The following TBC1D23 variants were observed in gnomAD, a reference collection of about 807,000 sequenced individuals.
TBC1D23 encodes the protein HCV non-structural protein 4A-transactivated protein 1.
Under a neutral mutation model 91.4 loss-of-function variants are expected in TBC1D23, and 55 were observed. The observed-to-expected ratio is 0.60, with a 90% confidence interval of 0.48 to 0.75. The LOEUF (loss-of-function observed/expected upper bound fraction) is 0.75. Ranked by LOEUF, TBC1D23 falls within the 30% of genes least tolerant of loss-of-function variation. TBC1D23 has a pLI of 0.00. For missense variants in TBC1D23, 725 were observed against 836.1 expected (o/e 0.87, Z 1.64); for synonymous variants, 289 against 281.0 (o/e 1.03, Z -0.28).
intron 13 of TBC1D23, among the ~76,000 whole-genome samples, chr3:100,308,428 T>C (rs1576181671): frequency 6.7e-6 from 1 of 148,800 alleles, no homozygotes; most frequent in African/African-American, 2.5e-5. Flanking sequence ...TGAGCCCACA[T>C]CCCGCCACTG....
At chr3:100,312,846 A>G (rs535063049) in intron 15 of TBC1D23, among the ~76,000 whole-genome samples, 1 of 151,980 alleles carries the variant, frequency 6.6e-6, no homozygotes, top group Non-Finnish European at 1.5e-5. Context: ...TAAGAATAAT[A>G]CTTCACTCTC....
chr3:100,283,450 T>C (rs1351704919), intron 3 of TBC1D23, among the ~76,000 whole-genome samples, 157 bp from the exon 4 acceptor site: 5 of 152,214 alleles, frequency 3.3e-5, no homozygotes. Context: ...CAATGATTGT[T>C]AAAATAAGTA....
chr3:100,320,945 A>G lies in TBC1D23; in HGVS notation c.1992A>G (p.Ser664=). ...TCAAGTATGGAAATAGCAGTGCTTC[A>G]GGAATAGAAATCTTGGCAATCGAAA... The part of the protein sequence containing the change: ...ITFKYGNSSA[S]GIEILAIERY... The change falls in exon 18 of 19, where the codon TCA becomes TCG. Residue 664 remains serine, a synonymous_variant. Transcript: ENST00000394144. 1 of 1,597,996 alleles carries G rather than the reference A, an allele frequency of 6.3e-7. No individual in the cohort carries two copies. Among genetic ancestry groups the G allele is most frequent in the Non-Finnish European group, 8.5e-7 (1 of 1,175,358 alleles).
chr3:100,319,041 C>T (rs750170116), intron 16 of TBC1D23, 28 bp from the exon 17 acceptor site: 10 of 1,402,080 alleles, frequency 7.1e-6, no homozygotes, highest in Non-Finnish European at 9.8e-6. Context: ...TGGTAATATC[C>T]ATATTTAATA....
intron 13 of TBC1D23, among the ~76,000 whole-genome samples, chr3:100,309,590 T>G (rs1001501326): frequency 6.6e-6 from 1 of 150,764 alleles, no homozygotes; most frequent in Non-Finnish European, 1.5e-5. Context: ...AAGTATATCC[T>G]AAATTTTTTA....
chr3:100,299,196 C>T, intron 9 of TBC1D23, 43 bp from the exon 10 acceptor site: 1 of 1,325,116 alleles, frequency 7.5e-7, no homozygotes, highest in South Asian at 1.2e-5. Context: ...CAATGTGAAC[C>T]TCATGGGAAA....
chr3:100,320,822 T>A lies in TBC1D23; in HGVS notation c.1869T>A (p.Ile623=). ...CACATATGTACTGTTTAAGGGAGAT[T>A]GTTTCACGGAAAGGATTGGCTTATA... ...TATHMYCLRE[I]VSRKGLAYIQ... The change falls in exon 18 of 19, where the codon ATT becomes ATA. Residue 623 remains isoleucine, a synonymous_variant. Coordinates refer to ENST00000394144, the MANE Select transcript of TBC1D23 (RefSeq NM_001199198.3). The A allele has an allele frequency of 6.2e-7, 1 of 1,610,694 alleles. No homozygotes were observed. The highest frequency in any genetic ancestry group is 8.5e-7 in the Non-Finnish European group (1 of 1,178,908).
chr3:100,263,797 T>A (rs2067534690), intron 1 of TBC1D23, among the ~76,000 whole-genome samples: 1 of 152,160 alleles, frequency 6.6e-6, no homozygotes. Context: ...TTTCCACAGT[T>A]AAGGTGCCTC....
At position 100,281,733 on chromosome 3, in the gene TBC1D23, T is replaced by G. The variant is rs768669738; in HGVS notation, c.166-9T>G. ...ATGAAGCTAGTCACTTTTTAAATCT[T>G]TCTTCCAGATTGCTCTGAATGTTGC... On this transcript the variant is annotated splice_polypyrimidine_tract_variant and intron_variant, in intron 2 of 18. Coordinates refer to ENST00000394144, the MANE Select transcript of TBC1D23 (RefSeq NM_001199198.3). 2 of 1,587,104 alleles carry G rather than the reference T, an allele frequency of 1.3e-6. No individual in the cohort carries two copies. The highest frequency in any genetic ancestry group is 2.7e-5 in the African/African-American group (2 of 74,366).
intron 1 of TBC1D23, among the ~76,000 whole-genome samples, chr3:100,268,385 T>A (rs2067574039): frequency 6.6e-6 from 1 of 152,316 alleles, no homozygotes; most frequent in Admixed American, 6.5e-5. Flanking sequence ...TCCTTGATGG[T>A]TGGAATCCAG....
At chr3:100,314,283 A>T (rs934377381) in intron 15 of TBC1D23, among the ~76,000 whole-genome samples, 22 of 151,758 alleles carry the variant, frequency 1.4e-4, no homozygotes, top group African/African-American at 4.4e-4. Context: ...ATTTTAGTAG[A>T]GACGGGGTTT....
chr3:100,290,235 C>G (rs2067777870), intron 4 of TBC1D23, among the ~76,000 whole-genome samples: 1 of 152,136 alleles, frequency 6.6e-6, no homozygotes, highest in African/African-American at 2.4e-5. Flanking sequence ...TCTAGAAGTT[C>G]CTCTTTTTTG....
At chr3:100,264,511 A>G (rs771001705) in intron 1 of TBC1D23, among the ~76,000 whole-genome samples, 24 of 152,238 alleles carry the variant, frequency 1.6e-4, no homozygotes, top group Non-Finnish European at 2.8e-4. Flanking sequence ...TGTTCTAGAT[A>G]CAGGAGGCAT....
chr3:100,269,729 C>T (rs911808058), intron 1 of TBC1D23, among the ~76,000 whole-genome samples: 1 of 152,104 alleles, frequency 6.6e-6, no homozygotes, highest in African/African-American at 2.4e-5. Flanking sequence ...ACTTTGTAAC[C>T]AGCGTCCTAA....
chr3:100,318,798 G>C (rs1490762066), intron 16 of TBC1D23, among the ~76,000 whole-genome samples: 2 of 151,862 alleles, frequency 1.3e-5, no homozygotes, highest in Non-Finnish European at 2.9e-5. Context: ...TTACAGGTGT[G>C]CACCACCACA....
intron 5 of TBC1D23, among the ~76,000 whole-genome samples, chr3:100,293,669 A>G (rs2067812900): frequency 6.6e-6 from 1 of 152,222 alleles, no homozygotes. Context: ...CATTAGTAGC[A>G]TTATGTATTT....
intron 1 of TBC1D23, among the ~76,000 whole-genome samples, chr3:100,269,181 A>G (rs1214744477): frequency 6.6e-6 from 1 of 152,194 alleles, no homozygotes; most frequent in Non-Finnish European, 1.5e-5. Context: ...TACTGTAGCT[A>G]TTAAATTTGC....
intron 4 of TBC1D23, among the ~76,000 whole-genome samples, chr3:100,286,274 A>G (rs138964676): frequency 1.6e-4 from 25 of 152,318 alleles, no homozygotes; most frequent in Admixed American, 3.3e-4. Flanking sequence ...AGCAAGAGAT[A>G]AGATGTCCCA....
chr3:100,274,116 G>T (rs912364251), intron 1 of TBC1D23, among the ~76,000 whole-genome samples: 2 of 152,054 alleles, frequency 1.3e-5, no homozygotes, highest in Non-Finnish European at 2.9e-5. Context: ...TCTTTAAAAT[G>T]ATTATGATTA....
Sources: allele counts gnomAD v4.1 joint callset (sites outside exome capture counted in the v4.1 genomes callset), GRCh38; gene constraint gnomAD v4.1.1; transcripts MANE v1.5; gene names NCBI Gene and HGNC (gene_info 2026-07-23, HGNC 2026-07-21).